DAPK1: variants seen among roughly 807,000 people sequenced by gnomAD.
The protein encoded by DAPK1 is death-associated protein kinase 1.
In DAPK1, 56 loss-of-function variants were observed where a neutral mutation model predicts 144.9. The ratio of observed to expected loss-of-function variants is 0.39; its 90% CI spans 0.31 to 0.48. The LOEUF is 0.48. Ranked by LOEUF, DAPK1 falls within the 20% of genes least tolerant of loss-of-function variation. DAPK1 has a pLI of 0.95. For synonymous variants in DAPK1, 690 were observed against 749.0 expected (o/e 0.92, Z 1.29); for missense variants, 1,454 against 1,875.4 (o/e 0.78, Z 4.15).
chr9:87,593,379 A>T (rs1007022315), intron 2 of DAPK1, among the ~76,000 whole-genome samples: 2 of 152,258 alleles, frequency 1.3e-5, no homozygotes, highest in Non-Finnish European at 2.9e-5. Flanking sequence ...GGCAAATAGT[A>T]TCTTGACTTA....
chr9:87,627,076 T>G (rs1398730059), intron 3 of DAPK1, among the ~76,000 whole-genome samples: 2 of 152,140 alleles, frequency 1.3e-5, no homozygotes, highest in Admixed American at 1.3e-4. Flanking sequence ...TTCAGTTATT[T>G]CCAAACAGAA....
rs1169223726 is a variant in DAPK1 at position 87,646,012 on chromosome 9, A to G, written c.1129A>G (p.Lys377Glu). 6.2e-7 allele frequency: 1 copy of G among 1,613,872 alleles called. No homozygotes were observed. Among genetic ancestry groups the G allele is most frequent in the South Asian group, 1.1e-5 (1 of 91,012 alleles). Residue 377 changes from lysine to glutamate, a missense_variant and splice_region_variant, in exon 12 of 26, where the codon AAG becomes GAG. Around this residue, in one of 2 missense-constraint regions of DAPK1, gnomAD observed 429 missense variants for 637.5 expected, o/e 0.67. Transcript: ENST00000408954. ...CAACTATGATGTTAACCAACCCAACAAGGTCTGGTTCTGTTCTGCCGCATA... is the reference window on the plus strand; with the variant it reads ...CAACTATGATGTTAACCAACCCAACGAGGTCTGGTTCTGTTCTGCCGCATA... ...LSNYDVNQPN[K>E]HGTPPLLIAA...
chr9:87,532,679 G>A (rs1825736717), intron 2 of DAPK1, among the ~76,000 whole-genome samples: 2 of 152,104 alleles, frequency 1.3e-5, no homozygotes, highest in Admixed American at 1.3e-4. Context: ...AAGGAGCCAG[G>A]CATTCATAAT....
chr9:87,622,945 A>AT (rs1205713708), intron 3 of DAPK1, among the ~76,000 whole-genome samples: 3 of 152,118 alleles, frequency 2.0e-5, no homozygotes, highest in African/African-American at 7.2e-5. Flanking sequence ...CTTTTTAAAA[A>AT]TTCCATGTCA....
chr9:87,708,126 A>T lies in DAPK1; in HGVS notation c.*762A>T, dbSNP rs778724263. 1.5e-5 allele frequency: 4 copies of T among 258,434 alleles called. No individual in the cohort carries two copies. The highest frequency in any genetic ancestry group is 9.1e-5 in the African/African-American group (4 of 44,148). The allele number at this position is 258,434 out of a possible 1,614,324, so 16.0% of individuals were successfully genotyped here. A position where few individuals can be genotyped will look rare whatever the true frequency, so the allele number is the denominator to read the frequency against. ...TATGATCAGTGTTGTTGCTCTAGGA[A>T]GACATTTTTCCGTTTGCTTTTGTTC... On this transcript the variant is annotated 3_prime_UTR_variant, in exon 26 of 26. Transcript: ENST00000408954.
At position 87,641,996 on chromosome 9, in the gene DAPK1, A is replaced by G. The variant is rs1830115832; in HGVS notation, c.856A>G (p.Arg286Gly). 6.2e-7 allele frequency: 1 copy of G among 1,613,962 alleles called. No individual in the cohort carries two copies. The highest frequency in any genetic ancestry group is 1.3e-5 in the African/African-American group (1 of 74,940). Residue 286 changes from arginine (R) to glycine (G), a missense_variant, in exon 10 of 26, where the codon AGA (arginine) becomes GGA (glycine). This residue lies in a region of DAPK1 where 429 missense variants were observed against 637.5 expected (regional missense o/e 0.67). Coordinates refer to ENST00000408954, the MANE Select transcript of DAPK1 (RefSeq NM_004938.4). ...TAAAGATACACAACAGGCACTTAGT[A>G]GAAAAGCATCAGCAGTAAACATGGA... ...KPKDTQQALSRKASAVNMEKF... is the reference protein window; with the variant it reads ...KPKDTQQALSGKASAVNMEKF...
chr9:87,641,896 T>G lies in DAPK1; in HGVS notation c.829-73T>G. On this transcript the variant is annotated intron_variant, in intron 9 of 25. Transcript: ENST00000408954. The stretch of plus-strand genomic sequence containing the variant: ...GTAAGCATCCTGAATAAGGAGATGT[T>G]TCAAAAAATTGTCATATAACACATT... 3 of 1,237,402 alleles carry G rather than the reference T, an allele frequency of 2.4e-6. No individual in the cohort carries two copies. The South Asian group carries it at 3.9e-5, about 16-fold the overall frequency. The allele number at this position is 1,237,402 out of a possible 1,614,324, so 76.7% of individuals were successfully genotyped here.
intron 3 of DAPK1, among the ~76,000 whole-genome samples, chr9:87,636,403 G>A (rs1564035152): frequency 2.0e-5 from 3 of 152,190 alleles, no homozygotes; most frequent in Non-Finnish European, 2.9e-5. Flanking sequence ...CAGCAGGAGC[G>A]TGGAATTAAG....
chr9:87,613,280 T>C (rs1017187354), intron 3 of DAPK1, among the ~76,000 whole-genome samples: 11 of 152,254 alleles, frequency 7.2e-5, no homozygotes, highest in African/African-American at 2.7e-4. Flanking sequence ...GTGTTAATTC[T>C]ATGCATATTG....
At chr9:87,705,664 A>T (rs1825611463) in intron 25 of DAPK1, among the ~76,000 whole-genome samples, 1 of 152,238 alleles carries the variant, frequency 6.6e-6, no homozygotes, top group African/African-American at 2.4e-5. Flanking sequence ...AAGGAGAAGG[A>T]TATTTTCCCA....
intron 2 of DAPK1, among the ~76,000 whole-genome samples, chr9:87,505,373 G>T (rs771126132): frequency 3.5e-4 from 54 of 152,196 alleles, no homozygotes; most frequent in Non-Finnish European, 6.2e-4. Context: ...GACTTTGTTT[G>T]TTTGTGTCTT....
intron 19 of DAPK1, among the ~76,000 whole-genome samples, chr9:87,676,822 G>A (rs1824402765): frequency 6.6e-6 from 1 of 152,238 alleles, no homozygotes; most frequent in Non-Finnish European, 1.5e-5. Flanking sequence ...ATGGTCCTCA[G>A]TGCTGTGGGG....
intron 3 of DAPK1, among the ~76,000 whole-genome samples, chr9:87,609,176 G>A (rs1828836215): frequency 6.6e-6 from 1 of 152,172 alleles, no homozygotes; most frequent in Non-Finnish European, 1.5e-5. Flanking sequence ...TTAAACTGAA[G>A]CATCAGCTCT....
intron 19 of DAPK1, among the ~76,000 whole-genome samples, chr9:87,669,767 G>C (rs921708973): frequency 1.3e-5 from 2 of 151,782 alleles, no homozygotes; most frequent in South Asian, 2.1e-4. Context: ...CAGGGGCAGG[G>C]GGGGGCCACA....
In DAPK1 at chr9:87,706,471, G is replaced by A. The variant is rs942463399; in HGVS notation, c.3400G>A (p.Val1134Met). Residue 1134 changes from valine to methionine, a missense_variant, in exon 26 of 26, where the codon GTG (valine) becomes ATG (methionine). By Grantham distance (21) the Val-to-Met change is conservative. This residue lies in a region of DAPK1 where 1,025 missense variants were observed against 1,237.9 expected (regional missense o/e 0.83). Transcript: ENST00000408954. The surrounding 1 kb of genome is among the most constrained non-coding windows in gnomAD (Gnocchi z 9.0). The part of the protein sequence containing the change: ...MVYGGVRIVP[V>M]EHLTPFPCGI... ...GTATGGTGGCGTGCGCATCGTGCCC[G>A]TGGAACACCTCACCCCCTTCCCATG... 7 of 1,614,014 alleles carry A rather than the reference G, an allele frequency of 4.3e-6. No homozygotes were observed. Among genetic ancestry groups the A allele is most frequent in the South Asian group, 1.1e-5 (1 of 91,078 alleles).
intron 2 of DAPK1, among the ~76,000 whole-genome samples, chr9:87,572,827 C>G (rs968974346): frequency 6.6e-6 from 1 of 152,136 alleles, no homozygotes; most frequent in African/African-American, 2.4e-5. Context: ...CAAGAACAGC[C>G]TAACACTGTA....
chr9:87,640,273 C>T, intron 7 of DAPK1, 25 bp from the exon 8 acceptor site: 3 of 1,605,360 alleles, frequency 1.9e-6, no homozygotes, highest in African/African-American at 1.3e-5. Flanking sequence ...CATTAATGTT[C>T]TATGCCCAAC....
chr9:87,622,951 T>C (rs1829355318), intron 3 of DAPK1, among the ~76,000 whole-genome samples: 1 of 152,258 alleles, frequency 6.6e-6, no homozygotes, highest in East Asian at 1.9e-4. Context: ...AAAAATTCCA[T>C]GTCAAGCTGA....
rs543699435 is a variant in DAPK1, at chr9:87,505,643, C to T, written c.62+6504C>T. ...AACTCCTGACCTCGTGAGTCACCCT[C>T]CTCGGCCTCCCGAAGTGCTGGGATT... On this transcript the variant is annotated intron_variant, in intron 2 of 25. Transcript: ENST00000408954. Among the ~76,000 whole-genome samples the T allele has an allele frequency of 2.0e-3, 307 of 152,172 alleles. 3 individuals carry two copies. Among genetic ancestry groups the T allele is most frequent in the African/African-American group, 6.6e-3 (273 of 41,526 alleles).
Sources: gnomAD v4.1 joint callset for allele counts (sites outside exome capture counted in the v4.1 genomes callset) on GRCh38, gnomAD v4.1.1 for gene constraint, gnomAD v4.1.1 regional missense constraint, Gnocchi (gnomAD v3.1) non-coding constraint, MANE v1.5 for transcripts, NCBI Gene and HGNC (gene_info 2026-07-23, HGNC 2026-07-21) for gene names.